Variants in SEPTIN2 observed in about 807,000 individuals in gnomAD.
SEPTIN2 encodes septin-2.
A neutral mutation model predicts 46.5 loss-of-function variants in SEPTIN2; 34 were observed. The observed-to-expected ratio is 0.73, with a 90% CI of 0.56 to 0.97. The LOEUF is 0.97. Among genes scored for constraint, SEPTIN2 ranks in the 50% least tolerant of loss-of-function variants. The pLI is 0.00. For synonymous variants in SEPTIN2, 175 were observed against 153.4 expected, an observed-to-expected ratio of 1.14 and a Z score of -1.04; for missense variants, 347 against 448.4, an observed-to-expected ratio of 0.77 and a Z score of 2.04.
At position 241,342,534 on chromosome 2, in the gene SEPTIN2, ATTTTTTTT is replaced by A. The variant is rs548033372; in HGVS notation, c.595-441_595-434del. ...AAATACCTTTCTAGCAGTTTTGTAA[ATTTTTTTT>A]TTTTTTTTTTTTTTTTGAGACGGAG... On this transcript the variant is annotated intron_variant, in intron 7 of 12. Coordinates refer to ENST00000391971, the MANE Select transcript of SEPTIN2 (RefSeq NM_004404.5). 4.3e-4 allele frequency among the ~76,000 whole-genome samples: 37 copies of A among 87,004 alleles called. No individual in the cohort carries two copies. The East Asian group carries it at 0.011, about 26-fold the overall frequency. 57.1% of individuals were successfully genotyped at this position (87,004 alleles called of 152,430 possible).
intron 1 of SEPTIN2, 178 bp from the exon 2 acceptor site, chr2:241,324,038 C>G (rs1236640223): frequency 1.7e-6 from 1 of 577,296 alleles, no homozygotes; most frequent in Non-Finnish European, 3.1e-6. Context: ...GCTGTCAGTG[C>G]TTAACTTTTC....
intron 1 of SEPTIN2, chr2:241,317,594 G>GGT: frequency 1.0e-6 from 1 of 981,590 alleles, no homozygotes; most frequent in Non-Finnish European, 1.2e-6. Context: ...TGGCAGCAGA[G>GGT]GTGAGGTAAG....
intron 11 of SEPTIN2, among the ~76,000 whole-genome samples, chr2:241,349,566 T>C (rs962343463): frequency 6.6e-6 from 1 of 152,088 alleles, no homozygotes. Flanking sequence ...CTCACGCTTG[T>C]AATCCCAGCA....
rs2060954297 is a variant in SEPTIN2 at position 241,353,969 on chromosome 2, A to G, written c.*2032A>G. 1 of 152,318 alleles carries G rather than the reference A, an allele frequency of 6.6e-6. No individual in the cohort carries two copies. The allele number at this position is 152,318 out of a possible 1,614,324, so 9.4% of individuals were successfully genotyped here. ...TTGAAAACACTTATTTTACACAGCA[A>G]TTTTGTATCCATTTAAACTAACCTT... On this transcript the variant is annotated 3_prime_UTR_variant, in exon 13 of 13. Coordinates refer to ENST00000391971, the MANE Select transcript of SEPTIN2 (RefSeq NM_004404.5).
At chr2:241,338,866 A>AT (rs368103110) in intron 7 of SEPTIN2, among the ~76,000 whole-genome samples, 2,200 of 44,952 alleles carry the variant, frequency 0.049, 199 homozygotes, top group Admixed American at 0.29. Flanking sequence ...ATAAAAATAT[A>AT]TATATTTAAT....
intron 3 of SEPTIN2, among the ~76,000 whole-genome samples, chr2:241,334,351 C>CTATTG (rs2079548455): frequency 6.6e-6 from 1 of 152,170 alleles, no homozygotes; most frequent in Non-Finnish European, 1.5e-5. Context: ...GGGATTTGTG[C>CTATTG]TTCCTTCAAA....
chr2:241,345,138 G>A (rs1463524120), intron 9 of SEPTIN2, among the ~76,000 whole-genome samples: 2 of 151,984 alleles, frequency 1.3e-5, no homozygotes, highest in African/African-American at 4.8e-5. Flanking sequence ...AAAAGAACAG[G>A]CTGAGAGTAT....
intron 1 of SEPTIN2, chr2:241,317,454 C>G: frequency 1.3e-6 from 1 of 772,156 alleles, no homozygotes; most frequent in Non-Finnish European, 1.6e-6. Flanking sequence ...TTCCCTCTAT[C>G]ATTCATAAAT....
chr2:241,321,106 C>T (rs936356170), intron 1 of SEPTIN2, among the ~76,000 whole-genome samples: 5 of 152,246 alleles, frequency 3.3e-5, no homozygotes, highest in South Asian at 4.1e-4. Flanking sequence ...ATGGTAGATA[C>T]ATGACTTCAA....
chr2:241,343,805 AAAG>A lies in SEPTIN2; in HGVS notation c.754_756del (p.Lys252del). On this transcript the variant is annotated inframe_deletion, in exon 9 of 13. Coordinates refer to ENST00000391971, the MANE Select transcript of SEPTIN2 (RefSeq NM_004404.5). The stretch of plus-strand genomic sequence containing the variant: ...CCAATCAGTTGATTGAAGCCAAAGG[AAAG>A]AAGGTCAGAGGCCGCCTCTACCCCT... The A allele has an allele frequency of 1.2e-6, 2 of 1,614,164 alleles. No individual in the cohort carries two copies. Among genetic ancestry groups the A allele is most frequent in the Non-Finnish European group, 1.7e-6 (2 of 1,180,012 alleles).
intron 3 of SEPTIN2, among the ~76,000 whole-genome samples, chr2:241,334,557 G>A (rs1239231239): frequency 6.6e-6 from 1 of 152,190 alleles, no homozygotes; most frequent in Non-Finnish European, 1.5e-5. Flanking sequence ...TGCCAGTGCT[G>A]GGAAACGGGG....
At chr2:241,319,557 G>A (rs544807062) in intron 1 of SEPTIN2, among the ~76,000 whole-genome samples, 17 of 152,280 alleles carry the variant, frequency 1.1e-4, no homozygotes, top group Admixed American at 1.1e-3. Context: ...TTTGCCTTTG[G>A]TTTTCAGAAA....
intron 3 of SEPTIN2, among the ~76,000 whole-genome samples, chr2:241,327,050 CAAAAAA>C (rs59492636): frequency 4.5e-5 from 3 of 66,010 alleles, no homozygotes; most frequent in African/African-American, 7.2e-5. Context: ...AACCTTGTCT[CAAAAAA>C]AAAAAAAAAA....
Position 241,352,060 on chromosome 2 carries a change from A to G in SEPTIN2, c.*123A>G, listed in dbSNP as rs747490166. 1 of 152,682 alleles carries G rather than the reference A, an allele frequency of 6.5e-6. No homozygotes were observed. Among genetic ancestry groups the G allele is most frequent in the Non-Finnish European group, 1.5e-5 (1 of 68,056 alleles). 9.5% of individuals were successfully genotyped at this position (152,682 alleles called of 1,614,324 possible). A position where few individuals can be genotyped will look rare whatever the true frequency, so the allele number is the denominator to read the frequency against. On this transcript the variant is annotated 3_prime_UTR_variant, in exon 13 of 13. Coordinates refer to ENST00000391971, the MANE Select transcript of SEPTIN2 (RefSeq NM_004404.5). Reference sequence around the variant, plus strand: ...GGGAGGGTGCCATCCACATTTTAACAGTACCTGTGCCTGAGAATTTAATTT... The same window carrying G: ...GGGAGGGTGCCATCCACATTTTAACGGTACCTGTGCCTGAGAATTTAATTT...
chr2:241,337,301 G>A (rs1375034383), intron 5 of SEPTIN2, 81 bp from the exon 6 acceptor site: 2 of 1,189,992 alleles, frequency 1.7e-6, no homozygotes, highest in Non-Finnish European at 2.4e-6. Flanking sequence ...TATTTGGGCG[G>A]AGGCACTTGT....
rs2060874922 is a variant in SEPTIN2 at position 241,352,690 on chromosome 2, C to T, written c.*753C>T. On this transcript the variant is annotated 3_prime_UTR_variant, in exon 13 of 13. Coordinates refer to ENST00000391971, the MANE Select transcript of SEPTIN2 (RefSeq NM_004404.5). ...AAGCCACCTTTTGTAGTGTTCTCCA[C>T]TAATACTGGTTATCCTGTGCTACAG... The T allele has an allele frequency of 6.6e-6, 1 of 152,170 alleles. No homozygotes were observed. Among genetic ancestry groups the T allele is most frequent in the Non-Finnish European group, 1.5e-5 (1 of 68,020 alleles). 9.4% of individuals were successfully genotyped at this position (152,170 alleles called of 1,614,324 possible).
chr2:241,338,890 A>G (rs1157898403), intron 7 of SEPTIN2, among the ~76,000 whole-genome samples: 32 of 82,972 alleles, frequency 3.9e-4, no homozygotes, highest in Non-Finnish European at 5.5e-4. Flanking sequence ...TCTATAATAT[A>G]TATTATATAT....
intron 7 of SEPTIN2, among the ~76,000 whole-genome samples, chr2:241,338,140 C>T (rs1439337881): frequency 6.6e-6 from 1 of 152,052 alleles, no homozygotes; most frequent in African/African-American, 2.4e-5. Flanking sequence ...TTCTTTACTG[C>T]AAATGACCCA....
Position 241,343,894 on chromosome 2 carries a change from T to C in SEPTIN2, c.839T>C (p.Leu280Pro), listed in dbSNP as rs1341944019. 1 of 1,614,164 alleles carries C rather than the reference T, an allele frequency of 6.2e-7. No individual in the cohort carries two copies. The change falls in exon 9 of 13, where the codon CTC becomes CCC. Residue 280 changes from leucine to proline, a missense_variant. Coordinates refer to ENST00000391971, the MANE Select transcript of SEPTIN2 (RefSeq NM_004404.5). ...GACTTTCTGAAGCTGAGAACCATGC[T>C]CATGTAAGACATTTGGTGTGTTCCT... Reference protein sequence around the residue: ...HNDFLKLRTMLITHMQDLQEV... With the variant: ...HNDFLKLRTMPITHMQDLQEV...
Sources: gnomAD v4.1 joint callset for allele counts (sites outside exome capture counted in the v4.1 genomes callset) on GRCh38, gnomAD v4.1.1 for gene constraint, MANE v1.5 for transcripts, NCBI Gene and HGNC (gene_info 2026-07-23, HGNC 2026-07-21) for gene names.